Variants in NIBAN1 observed in about 807,000 individuals in gnomAD.
NIBAN1 encodes the protein niban apoptosis regulator 1, also known as protein Niban 1.
Under a neutral mutation model 75.1 loss-of-function variants are expected in NIBAN1, and 81 were observed. That is an observed-to-expected ratio of 1.08 (90% CI 0.90 to 1.30). The LOEUF (loss-of-function observed/expected upper bound fraction) is 1.30, where lower values mean the gene tolerates loss of function less well. Among genes scored for constraint, NIBAN1 ranks in the 50% most tolerant of loss-of-function variants. The pLI is 0.00. For missense variants in NIBAN1, 1,133 were observed against 1,128.1 expected, an observed-to-expected ratio of 1.00 and a Z score of -0.06; for synonymous variants, 436 against 424.8, an observed-to-expected ratio of 1.03 and a Z score of -0.32.
chr1:184,965,254 G>A (rs1389411849), intron 1 of NIBAN1, among the ~76,000 whole-genome samples: 4 of 151,670 alleles, frequency 2.6e-5, no homozygotes, highest in Non-Finnish European at 4.4e-5. Flanking sequence ...AGCCGAGATC[G>A]CGCCACTGCA....
intron 1 of NIBAN1, among the ~76,000 whole-genome samples, chr1:184,966,337 G>A (rs1192537788): frequency 6.6e-6 from 1 of 152,202 alleles, no homozygotes; most frequent in African/African-American, 2.4e-5. Context: ...AAACAGTTCA[G>A]TATCCTATTG....
At chr1:184,927,427 C>T (rs1657709896) in intron 1 of NIBAN1, among the ~76,000 whole-genome samples, 1 of 152,166 alleles carries the variant, frequency 6.6e-6, no homozygotes, top group South Asian at 2.1e-4. Flanking sequence ...CCTTGGTGGT[C>T]TTGGATAAGA....
Position 184,845,872 on chromosome 1 carries a change from T to C in NIBAN1, c.602-13910A>G, listed in dbSNP as rs887282400. ...CAAAGAAAGGGGTGACGGACGCACCTGGAAAATCGGGTCACTCCCACCCGA... is the reference window on the plus strand; with the variant it reads ...CAAAGAAAGGGGTGACGGACGCACCCGGAAAATCGGGTCACTCCCACCCGA... On this transcript the variant is annotated intron_variant, in intron 5 of 13. Transcript: ENST00000367511. 9.7e-5 allele frequency among the ~76,000 whole-genome samples: 8 copies of C among 82,172 alleles called. 1 individual carries two copies. Among genetic ancestry groups the C allele is most frequent in the Non-Finnish European group, 1.9e-4 (8 of 41,304 alleles). The allele number at this position is 82,172 out of a possible 152,430, so 53.9% of individuals were successfully genotyped here. A position where few individuals can be genotyped will look rare whatever the true frequency, so the allele number is the denominator to read the frequency against.
chr1:184,873,083 T>C (rs1016360278), intron 5 of NIBAN1, among the ~76,000 whole-genome samples: 1 of 152,230 alleles, frequency 6.6e-6, no homozygotes, highest in Admixed American at 6.5e-5. Flanking sequence ...ATATTCAATG[T>C]GGTGACAGGA....
chr1:184,970,822 G>A (rs1049925194), intron 1 of NIBAN1, among the ~76,000 whole-genome samples: 2 of 152,138 alleles, frequency 1.3e-5, no homozygotes, highest in Non-Finnish European at 2.9e-5. Context: ...TTCTTATGTG[G>A]GAGATCTTTC....
intron 1 of NIBAN1, among the ~76,000 whole-genome samples, chr1:184,960,279 T>C (rs1482245462): frequency 6.6e-6 from 1 of 152,338 alleles, no homozygotes; most frequent in South Asian, 2.1e-4. Flanking sequence ...CAACTTTATT[T>C]TCCAAGGCAC....
rs535873167 is a variant in NIBAN1, at chr1:184,823,747, G to A, written c.718-5C>T. 105 of 1,613,390 alleles carry A rather than the reference G, an allele frequency of 6.5e-5. No homozygotes were observed. Among genetic ancestry groups the A allele is most frequent in the Middle Eastern group, 1.6e-4 (1 of 6,076 alleles). ...CATCACCAGGTTACTCAGGATCTGC[G>A]CAGCAGAAGACAGCCCAGAGTCGGT... On this transcript the variant is annotated splice_region_variant and splice_polypyrimidine_tract_variant and intron_variant, in intron 6 of 13. Transcript: ENST00000367511.
chr1:184,897,430 C>T (rs966407729), intron 2 of NIBAN1, among the ~76,000 whole-genome samples: 9 of 151,990 alleles, frequency 5.9e-5, no homozygotes, highest in Middle Eastern at 3.4e-3. Flanking sequence ...CTCCATAGAC[C>T]GTTTCTTCTT....
Position 184,818,835 on chromosome 1 carries a change from G to A in NIBAN1, c.986-10C>T, listed in dbSNP as rs1235225666. 1.9e-6 allele frequency: 3 copies of A among 1,573,322 alleles called. No homozygotes were observed. Among genetic ancestry groups the A allele is most frequent in the Non-Finnish European group, 2.6e-6 (3 of 1,154,650 alleles). On this transcript the variant is annotated splice_polypyrimidine_tract_variant and intron_variant, in intron 8 of 13. Transcript: ENST00000367511. ...GGCTGGGCCACCATCGCTGAGGTAG[G>A]AAATAGCCAAAAAACCGTGACATAT... is the stretch of plus-strand genomic sequence containing the variant.
chr1:184,906,004 G>A (rs1024895748), intron 1 of NIBAN1, among the ~76,000 whole-genome samples: 3 of 151,984 alleles, frequency 2.0e-5, no homozygotes, highest in African/African-American at 7.3e-5. Flanking sequence ...TGGGGAGGCC[G>A]AGATGGGAGG....
chr1:184,918,336 C>CCTAACTGCCTCTAA (rs1657446510), intron 1 of NIBAN1, among the ~76,000 whole-genome samples: 1 of 152,168 alleles, frequency 6.6e-6, no homozygotes, highest in Non-Finnish European at 1.5e-5. Context: ...TCTAACTGCT[C>CCTAACTGCCTCTAA]CCCTTTCAAA....
chr1:184,929,140 A>T (rs1657756995), intron 1 of NIBAN1, among the ~76,000 whole-genome samples: 1 of 152,186 alleles, frequency 6.6e-6, no homozygotes, highest in South Asian at 2.1e-4. Context: ...TTTTAGTGTC[A>T]TATTGCGTGT....
intron 2 of NIBAN1, among the ~76,000 whole-genome samples, chr1:184,897,281 TG>T (rs1656825520): frequency 7.5e-6 from 1 of 133,824 alleles, no homozygotes; most frequent in South Asian, 2.3e-4. Flanking sequence ...CTCCTAAGTG[TG>T]TGTGTGTGTG....
At chr1:184,919,475 G>A (rs2102016494) in intron 1 of NIBAN1, among the ~76,000 whole-genome samples, 1 of 152,276 alleles carries the variant, frequency 6.6e-6, no homozygotes, top group East Asian at 1.9e-4. Context: ...TACTTGGTTG[G>A]CTTAATCCGA....
chr1:184,840,682 G>A (rs981355896), intron 5 of NIBAN1, among the ~76,000 whole-genome samples: 1 of 151,032 alleles, frequency 6.6e-6, no homozygotes, highest in Non-Finnish European at 1.5e-5. Flanking sequence ...AGTGAAGACA[G>A]ACTAACCTCA....
Position 184,890,101 on chromosome 1 carries a change from A to C in NIBAN1, c.433+7T>G. ...TTTGCCTTGGAAAAGAATGATCAGCAACTCACCAAGAGGGTCTGGGAAATG... is the reference window on the plus strand; with the variant it reads ...TTTGCCTTGGAAAAGAATGATCAGCCACTCACCAAGAGGGTCTGGGAAATG... On this transcript the variant is annotated splice_region_variant and intron_variant, in intron 4 of 13. Transcript: ENST00000367511. The C allele has an allele frequency of 6.2e-7, 1 of 1,602,280 alleles. No homozygotes were observed. Among genetic ancestry groups the C allele is most frequent in the Non-Finnish European group, 8.6e-7 (1 of 1,169,416 alleles).
chr1:184,795,698 G>A lies in NIBAN1; in HGVS notation c.2066C>T (p.Thr689Ile). 6 of 1,614,010 alleles carry A rather than the reference G, an allele frequency of 3.7e-6. No individual in the cohort carries two copies. Among genetic ancestry groups the A allele is most frequent in the Non-Finnish European group, 4.2e-6 (5 of 1,179,942 alleles). Residue 689 changes from threonine to isoleucine, a missense_variant, in exon 14 of 14, where the codon ACC (threonine) becomes ATC (isoleucine). Thr to Ile is a moderately conservative substitution (Grantham distance 89). Coordinates refer to ENST00000367511, the MANE Select transcript of NIBAN1 (RefSeq NM_052966.4). The stretch of plus-strand genomic sequence containing the variant: ...CTGGGCGGGTTCTTCATCCTCAAGG[G>A]TCCCTCCAAACTCCAGCTCTGATGA... ...TCSSELEFGGTLEDEEPAQEE... is the reference protein window; with the variant it reads ...TCSSELEFGGILEDEEPAQEE...
chr1:184,833,484 G>A (rs1655052054), intron 5 of NIBAN1, among the ~76,000 whole-genome samples: 1 of 152,008 alleles, frequency 6.6e-6, no homozygotes, highest in South Asian at 2.1e-4. Flanking sequence ...AAGGATGGAG[G>A]ATCACTTGAT....
At chr1:184,963,735 A>T (rs1174931267) in intron 1 of NIBAN1, among the ~76,000 whole-genome samples, 1 of 152,210 alleles carries the variant, frequency 6.6e-6, no homozygotes, top group East Asian at 1.9e-4. Context: ...GTAGAAAACT[A>T]TACAACTTTA....
Sources: allele counts gnomAD v4.1 joint callset (sites outside exome capture counted in the v4.1 genomes callset), GRCh38; gene constraint gnomAD v4.1.1; transcripts MANE v1.5; gene names NCBI Gene and HGNC (gene_info 2026-07-23, HGNC 2026-07-21).